RSPO2: variants seen among roughly 807,000 people sequenced by gnomAD.
RSPO2 encodes R-spondin-2.
A neutral mutation model predicts 30.9 loss-of-function variants in RSPO2; 14 were observed. The observed-to-expected ratio is 0.45, with a 90% CI of 0.30 to 0.71. RSPO2 has a LOEUF of 0.71. RSPO2 is among the 30% of genes least tolerant of loss of function. The probability of loss-of-function intolerance (pLI) is 0.08; values close to 1 mark genes in which losing one functional copy is unlikely to be tolerated. For synonymous variants in RSPO2, 107 were observed against 96.4 expected, an observed-to-expected ratio of 1.11 and a Z score of -0.64; for missense variants, 264 against 301.9, an observed-to-expected ratio of 0.87 and a Z score of 0.93.
At chr8:108,051,763 G>C (rs1812086304) in intron 2 of RSPO2, among the ~76,000 whole-genome samples, 1 of 152,186 alleles carries the variant, frequency 6.6e-6, no homozygotes, top group Non-Finnish European at 1.5e-5. Context: ...GTCATGATGA[G>C]AGCTGACTCC....
chr8:108,002,938 G>A (rs10216751), intron 2 of RSPO2, among the ~76,000 whole-genome samples: 2,210 of 151,896 alleles, frequency 0.015, 62 homozygotes, highest in African/African-American at 0.051. Flanking sequence ...ATACTATCAT[G>A]CAAAAAAAGT....
intron 3 of RSPO2, among the ~76,000 whole-genome samples, chr8:107,974,308 G>A (rs1179568811): frequency 2.2e-4 from 31 of 138,168 alleles, no homozygotes; most frequent in African/African-American, 6.2e-4. Context: ...GCTATGTGAC[G>A]ATACTTCATC....
chr8:107,994,806 T>A (rs1016089147), intron 2 of RSPO2, among the ~76,000 whole-genome samples: 1 of 152,124 alleles, frequency 6.6e-6, no homozygotes. Flanking sequence ...ACCCTCCATA[T>A]AATCAGTCTT....
chr8:107,950,770 A>T (rs1035581739), intron 5 of RSPO2, among the ~76,000 whole-genome samples: 8 of 144,780 alleles, frequency 5.5e-5, no homozygotes, highest in East Asian at 2.0e-4. Flanking sequence ...AAAAAAAAAA[A>T]TTTGACACCT....
intron 4 of RSPO2, 109 bp from the exon 5 acceptor site, chr8:107,958,377 C>T: frequency 1.3e-6 from 1 of 785,968 alleles, no homozygotes; most frequent in Non-Finnish European, 2.0e-6. Context: ...CTAACCCCAC[C>T]TTCAGATACC....
At chr8:107,993,850 T>C (rs1563554680) in intron 2 of RSPO2, among the ~76,000 whole-genome samples, 3 of 152,172 alleles carry the variant, frequency 2.0e-5, no homozygotes, top group Admixed American at 6.5e-5. Flanking sequence ...CCTGCCTCCA[T>C]TGTCTTATGC....
At chr8:108,034,206 C>T (rs1240977363) in intron 2 of RSPO2, among the ~76,000 whole-genome samples, 3 of 151,930 alleles carry the variant, frequency 2.0e-5, no homozygotes, top group Non-Finnish European at 2.9e-5. Flanking sequence ...TTTTTTTTCC[C>T]CTCCTTACTT....
At chr8:107,979,649 C>T (rs1359044143) in intron 3 of RSPO2, among the ~76,000 whole-genome samples, 1 of 151,732 alleles carries the variant, frequency 6.6e-6, no homozygotes, top group African/African-American at 2.4e-5. Flanking sequence ...ACGTTGTGCA[C>T]ATGTACCCTA....
At chr8:108,002,744 A>T (rs568430499) in intron 2 of RSPO2, among the ~76,000 whole-genome samples, 1 of 152,314 alleles carries the variant, frequency 6.6e-6, no homozygotes, top group Non-Finnish European at 1.5e-5. Flanking sequence ...CAAAGACTCC[A>T]TGTGTTTTAA....
At chr8:108,011,656 C>A (rs1049352252) in intron 2 of RSPO2, among the ~76,000 whole-genome samples, 5 of 152,142 alleles carry the variant, frequency 3.3e-5, no homozygotes, top group African/African-American at 7.2e-5. Context: ...GAAAAAAGTT[C>A]TCAGCTTAAA....
chr8:108,033,555 C>T (rs929754116), intron 2 of RSPO2, among the ~76,000 whole-genome samples: 1 of 152,288 alleles, frequency 6.6e-6, no homozygotes, highest in Non-Finnish European at 1.5e-5. Context: ...TATTCAATTA[C>T]CCCAGAGACT....
intron 2 of RSPO2, among the ~76,000 whole-genome samples, chr8:108,053,127 A>T (rs1812125329): frequency 6.6e-6 from 1 of 152,114 alleles, no homozygotes; most frequent in South Asian, 2.1e-4. Context: ...TTGATCTGCT[A>T]GATAGTACAA....
intron 5 of RSPO2, among the ~76,000 whole-genome samples, chr8:107,916,477 T>C (rs540004461): frequency 3.3e-5 from 5 of 152,328 alleles, no homozygotes; most frequent in South Asian, 4.1e-4. Context: ...ACAGTTAACA[T>C]TGTAACATGT....
chr8:107,970,995 G>A (rs1813978748), intron 3 of RSPO2, among the ~76,000 whole-genome samples: 1 of 152,230 alleles, frequency 6.6e-6, no homozygotes, highest in African/African-American at 2.4e-5. Context: ...TTATCAGAAT[G>A]CATGTTACCT....
intron 2 of RSPO2, among the ~76,000 whole-genome samples, chr8:108,067,315 C>T (rs747001162): frequency 3.9e-5 from 6 of 151,966 alleles, no homozygotes; most frequent in African/African-American, 1.2e-4. Flanking sequence ...CAAGAAATAA[C>T]GAATTTTGTC....
chr8:107,992,064 A>G (rs1427873808), intron 2 of RSPO2, among the ~76,000 whole-genome samples: 3 of 152,120 alleles, frequency 2.0e-5, no homozygotes. Flanking sequence ...AAATCCTTCT[A>G]TTATAAAGAC....
intron 4 of RSPO2, among the ~76,000 whole-genome samples, chr8:107,960,422 T>C (rs773028569): frequency 3.3e-5 from 5 of 152,046 alleles, no homozygotes; most frequent in Non-Finnish European, 7.4e-5. Flanking sequence ...ATTACACGGA[T>C]GATTAAAAAA....
chr8:107,985,013 A>G (rs1814576858), intron 3 of RSPO2, among the ~76,000 whole-genome samples: 2 of 152,174 alleles, frequency 1.3e-5, no homozygotes, highest in South Asian at 4.1e-4. Context: ...TTTAATTACT[A>G]AAAACATGAC....
chr8:108,022,650 G>T (rs1811090705), intron 2 of RSPO2, among the ~76,000 whole-genome samples: 1 of 152,126 alleles, frequency 6.6e-6, no homozygotes, highest in South Asian at 2.1e-4. Flanking sequence ...GTTGTGCTGG[G>T]CATGGTGGCT....
Sources: allele counts gnomAD v4.1 joint callset (sites outside exome capture counted in the v4.1 genomes callset), GRCh38; gene constraint gnomAD v4.1.1; transcripts MANE v1.5; gene names NCBI Gene and HGNC (gene_info 2026-07-23, HGNC 2026-07-21).